FILIP1L: variants seen among roughly 807,000 people sequenced by gnomAD.
The protein encoded by FILIP1L is filamin A-interacting protein 1-like.
FILIP1L carries 55 observed loss-of-function variants against 96.6 expected under a neutral mutation model. That is an observed-to-expected ratio of 0.57 (90% confidence interval 0.46 to 0.71). The LOEUF is 0.71. Among genes scored for constraint, FILIP1L ranks in the 30% least tolerant of loss-of-function variants. FILIP1L has a pLI of 0.00. For missense variants in FILIP1L, 1,304 were observed against 1,321.2 expected (o/e 0.99, Z 0.20); for synonymous variants, 467 against 473.9 (o/e 0.99, Z 0.19).
At chr3:99,963,990 G>C (rs1559705644) in intron 1 of FILIP1L, among the ~76,000 whole-genome samples, 1 of 151,976 alleles carries the variant, frequency 6.6e-6, no homozygotes, top group African/African-American at 2.4e-5. Context: ...GAGCTCCCAG[G>C]TACAACCAAG....
intron 1 of FILIP1L, among the ~76,000 whole-genome samples, chr3:100,079,266 T>C (rs551443897): frequency 5.3e-5 from 8 of 152,314 alleles, no homozygotes; most frequent in African/African-American, 1.7e-4. Context: ...TATCGATGCT[T>C]TCTGTTGGTC....
rs531512561 is a variant in FILIP1L, at chr3:99,905,917, G to A, written c.605+18313C>T. Among the ~76,000 whole-genome samples, 43 of 152,306 alleles carry A rather than the reference G, an allele frequency of 2.8e-4. 1 individual carries two copies. The South Asian group carries it at 8.7e-3, about 31-fold the overall frequency. On this transcript the variant is annotated intron_variant, in intron 4 of 5. Coordinates refer to ENST00000477258, the MANE Select transcript of FILIP1L (RefSeq NM_001387850.1). ...CTTTTTATTTAGCCTTTCTGGCCAG[G>A]CGCAGTGGCTCATGCTTGTAGTCCC...
intron 1 of FILIP1L, among the ~76,000 whole-genome samples, chr3:100,001,632 T>G (rs1709845078): frequency 6.6e-6 from 1 of 152,134 alleles, no homozygotes; most frequent in Non-Finnish European, 1.5e-5. Context: ...TCTAGTTGGG[T>G]CTTGTCTTCC....
intron 1 of FILIP1L, among the ~76,000 whole-genome samples, chr3:99,951,484 GT>G (rs1298093478): frequency 1.3e-5 from 2 of 152,138 alleles, no homozygotes; most frequent in Admixed American, 1.3e-4. Context: ...ATGAGATTTT[GT>G]TTTAGTCCAG....
At chr3:100,047,950 T>C (rs902694120) in intron 1 of FILIP1L, among the ~76,000 whole-genome samples, 1 of 152,178 alleles carries the variant, frequency 6.6e-6, no homozygotes, top group Non-Finnish European at 1.5e-5. Context: ...AGCAGACTCA[T>C]GAAAGAACGA....
intron 1 of FILIP1L, among the ~76,000 whole-genome samples, chr3:100,083,790 G>C (rs2107411644): frequency 6.6e-6 from 1 of 152,198 alleles, no homozygotes; most frequent in East Asian, 1.9e-4. Flanking sequence ...GCCCAGGCTG[G>C]TTTCAAACTT....
intron 1 of FILIP1L, among the ~76,000 whole-genome samples, chr3:99,981,165 G>A (rs1448230490): frequency 1.3e-5 from 2 of 152,196 alleles, no homozygotes; most frequent in African/African-American, 4.8e-5. Flanking sequence ...GTGCTGGGAT[G>A]TGGTGCCAAT....
At chr3:99,905,877 A>G (rs1287972439) in intron 4 of FILIP1L, among the ~76,000 whole-genome samples, 1 of 152,220 alleles carries the variant, frequency 6.6e-6, no homozygotes, top group Non-Finnish European at 1.5e-5. Flanking sequence ...TCACTTCTTT[A>G]ACATTTGGTA....
chr3:100,053,002 G>T (rs2065399528), intron 1 of FILIP1L, among the ~76,000 whole-genome samples: 1 of 152,078 alleles, frequency 6.6e-6, no homozygotes, highest in African/African-American at 2.4e-5. Flanking sequence ...CTGTGGAGTT[G>T]TTCGCCTGCT....
intron 1 of FILIP1L, among the ~76,000 whole-genome samples, chr3:100,057,129 G>C (rs190619842): frequency 3.3e-5 from 5 of 152,350 alleles, no homozygotes; most frequent in African/African-American, 1.2e-4. Context: ...AGTCAGAGAA[G>C]CTCTGGTGCT....
At chr3:99,930,056 A>G in intron 2 of FILIP1L, 27 bp from the exon 3 acceptor site, 1 of 1,579,516 alleles carries the variant, frequency 6.3e-7, no homozygotes, top group Non-Finnish European at 8.6e-7. Context: ...TATTTCAGAA[A>G]GCCTGCTGTC....
intron 4 of FILIP1L, among the ~76,000 whole-genome samples, chr3:99,890,923 C>A (rs1408532857): frequency 6.6e-6 from 1 of 151,990 alleles, no homozygotes; most frequent in Non-Finnish European, 1.5e-5. Context: ...TTCCTTGAGC[C>A]CTGAGTTGAA....
intron 1 of FILIP1L, among the ~76,000 whole-genome samples, chr3:100,075,961 T>C (rs1160325489): frequency 2.2e-4 from 33 of 152,186 alleles, no homozygotes; most frequent in Non-Finnish European, 1.5e-5. Flanking sequence ...CTCCAGGCAA[T>C]AGGCCCTCAG....
At chr3:99,995,086 C>T (rs768852583) in intron 1 of FILIP1L, among the ~76,000 whole-genome samples, 4 of 152,238 alleles carry the variant, frequency 2.6e-5, no homozygotes, top group East Asian at 1.9e-4. Flanking sequence ...ACCCAAAACG[C>T]GCAGTCCAAA....
At chr3:99,884,425 T>C (rs1406829220) in intron 4 of FILIP1L, among the ~76,000 whole-genome samples, 1 of 152,222 alleles carries the variant, frequency 6.6e-6, no homozygotes, top group African/African-American at 2.4e-5. Flanking sequence ...ATTATGACAT[T>C]GATTTAAGTT....
chr3:99,913,742 T>G (rs1047985126), intron 4 of FILIP1L, among the ~76,000 whole-genome samples: 1 of 152,202 alleles, frequency 6.6e-6, no homozygotes, highest in Non-Finnish European at 1.5e-5. Context: ...TGCGTGACCC[T>G]GAAGCATATA....
chr3:99,970,624 T>C (rs893213821), intron 1 of FILIP1L, among the ~76,000 whole-genome samples: 2 of 152,328 alleles, frequency 1.3e-5, no homozygotes, highest in Admixed American at 1.3e-4. Context: ...AGACCTTGCA[T>C]GTACAGGGTC....
intron 4 of FILIP1L, among the ~76,000 whole-genome samples, chr3:99,886,155 G>C (rs539121870): frequency 1.3e-5 from 2 of 152,358 alleles, no homozygotes; most frequent in African/African-American, 4.8e-5. Flanking sequence ...AGATATAGAA[G>C]AGTCCTACTG....
chr3:99,980,629 A>G (rs1205597839), intron 1 of FILIP1L, among the ~76,000 whole-genome samples: 1 of 152,198 alleles, frequency 6.6e-6, no homozygotes, highest in Non-Finnish European at 1.5e-5. Context: ...AGAATTGTGA[A>G]TAAGGAATTG....
Sources: gnomAD v4.1 joint callset for allele counts (sites outside exome capture counted in the v4.1 genomes callset) on GRCh38, gnomAD v4.1.1 for gene constraint, MANE v1.5 for transcripts, NCBI Gene and HGNC (gene_info 2026-07-23, HGNC 2026-07-21) for gene names.